The following PPP2R2B variants were observed in gnomAD, a reference collection of about 807,000 sequenced individuals.
PPP2R2B encodes protein phosphatase 2 regulatory subunit Bbeta.
PPP2R2B carries 5 observed loss-of-function variants against 46.0 expected under a neutral mutation model. That is an observed-to-expected ratio of 0.11 (90% confidence interval 0.06 to 0.23). The LOEUF (loss-of-function observed/expected upper bound fraction) is 0.23. Ranked by LOEUF, PPP2R2B falls within the 10% of genes least tolerant of loss-of-function variation. PPP2R2B has a pLI of 1.00. For synonymous variants in PPP2R2B, 215 were observed against 206.7 expected (o/e 1.04, Z -0.34); for missense variants, 367 against 575.0 (o/e 0.64, Z 3.70).
Position 147,018,458 on chromosome 5 carries a change from T to C in PPP2R2B, c.79+37207A>G, listed in dbSNP as rs192142557. ...CTTCACCTCTCTTTAAAAGATCTCATTTTTTATATATATTTTTTAAAAACA... is the reference window on the plus strand; with the variant it reads ...CTTCACCTCTCTTTAAAAGATCTCACTTTTTATATATATTTTTTAAAAACA... On this transcript the variant is annotated intron_variant, in intron 1 of 8. Transcript: ENST00000336640. Among the ~76,000 whole-genome samples the C allele has an allele frequency of 4.3e-3, 653 of 152,268 alleles. 2 individuals carry two copies. Among genetic ancestry groups the C allele is most frequent in the Non-Finnish European group, 7.2e-3 (492 of 68,022 alleles).
chr5:146,634,689 G>A (rs1425806586), intron 7 of PPP2R2B, among the ~76,000 whole-genome samples: 1 of 151,944 alleles, frequency 6.6e-6, no homozygotes, highest in Non-Finnish European at 1.5e-5. Context: ...TCTTCAGCTT[G>A]CTGGCTGCAG....
chr5:146,801,684 AC>A (rs1561918343), intron 2 of PPP2R2B, among the ~76,000 whole-genome samples: 1 of 152,124 alleles, frequency 6.6e-6, no homozygotes, highest in African/African-American at 2.4e-5. Context: ...TTATTCACTC[AC>A]CCATAAAATG....
intron 1 of PPP2R2B, among the ~76,000 whole-genome samples, chr5:146,946,266 T>C (rs1349661567): frequency 1.3e-5 from 2 of 152,116 alleles, no homozygotes; most frequent in African/African-American, 4.8e-5. Context: ...AGTCTTTTTT[T>C]CCCATCTTTC....
At chr5:147,076,509 T>C (rs1757771000) in intron 2 of PPP2R2B, among the ~76,000 whole-genome samples, 1 of 152,186 alleles carries the variant, frequency 6.6e-6, no homozygotes, top group African/African-American at 2.4e-5. Flanking sequence ...TTTTTATTGG[T>C]TAAATTTAAA....
At chr5:146,861,238 TG>T (rs1760979919) in intron 2 of PPP2R2B, among the ~76,000 whole-genome samples, 2 of 151,842 alleles carry the variant, frequency 1.3e-5, no homozygotes, top group African/African-American at 4.8e-5. Flanking sequence ...TTGTATTTTT[TG>T]TGGAGACAGG....
In PPP2R2B at chr5:146,885,677, T is replaced by C. The variant is rs7731663; in HGVS notation, c.79+169988A>G. On this transcript the variant is annotated intron_variant, in intron 1 of 8. Transcript: ENST00000336640. ...ACCAAAACTTGAACACAAATGTTCA[T>C]GTAGTAGCATTATTTATAATAGCCA... is the stretch of plus-strand genomic sequence containing the variant. Among the ~76,000 whole-genome samples, 1,347 of 152,328 alleles carry C rather than the reference T, an allele frequency of 8.8e-3. 21 individuals carry two copies. The highest frequency in any genetic ancestry group is 0.031 in the African/African-American group (1,286 of 41,560).
chr5:146,733,335 T>C (rs550024182), intron 2 of PPP2R2B, among the ~76,000 whole-genome samples: 7 of 152,172 alleles, frequency 4.6e-5, no homozygotes, highest in Non-Finnish European at 8.8e-5. Flanking sequence ...ATAAATAGTT[T>C]TGCAAGATAT....
At chr5:147,009,994 A>C (rs1754638432) in intron 1 of PPP2R2B, among the ~76,000 whole-genome samples, 1 of 152,054 alleles carries the variant, frequency 6.6e-6, no homozygotes. Flanking sequence ...TGAGATGAGA[A>C]TGCACTTTGT....
intron 1 of PPP2R2B, among the ~76,000 whole-genome samples, chr5:147,009,892 C>T (rs756775972): frequency 3.4e-5 from 5 of 146,924 alleles, no homozygotes; most frequent in East Asian, 2.0e-4. Flanking sequence ...CACACACACA[C>T]ACACACATAT....
intron 1 of PPP2R2B, among the ~76,000 whole-genome samples, chr5:146,981,061 C>T (rs1051938925): frequency 1.3e-5 from 2 of 152,022 alleles, no homozygotes; most frequent in Non-Finnish European, 2.9e-5. Context: ...ATTTCTTACT[C>T]ATTTTTTTTT....
At chr5:146,757,504 G>A (rs1449345527) in intron 2 of PPP2R2B, among the ~76,000 whole-genome samples, 1 of 152,120 alleles carries the variant, frequency 6.6e-6, no homozygotes, top group South Asian at 2.1e-4. Flanking sequence ...GGTGGAAGGC[G>A]AGAGATGGAA....
chr5:146,754,068 G>C (rs1040494028), intron 2 of PPP2R2B, among the ~76,000 whole-genome samples: 1 of 152,080 alleles, frequency 6.6e-6, no homozygotes, highest in Non-Finnish European at 1.5e-5. Flanking sequence ...AAAATAATCT[G>C]AAAGTCCCCA....
Position 146,638,297 on chromosome 5 carries a change from C to A in PPP2R2B, c.744G>T (p.Arg248=), listed in dbSNP as rs1774957054. 2 of 1,614,022 alleles carry A rather than the reference C, an allele frequency of 1.2e-6. No homozygotes were observed. The highest frequency in any genetic ancestry group is 1.7e-6 in the Non-Finnish European group (2 of 1,179,886). The change falls in exon 7 of 10, where the codon CGG becomes CGT. Residue 248 remains arginine, a synonymous_variant. Coordinates refer to ENST00000394411, the MANE Select transcript of PPP2R2B (RefSeq NM_181675.4). ...GGGCAGATGCCCGCATGTCACACAG[C>A]CGGATTGTCCCTTTGCTGCTGCTGT... ...FVYSSSKGTI[R]LCDMRASALC...
At chr5:146,664,296 C>A (rs1223746206) in intron 5 of PPP2R2B, among the ~76,000 whole-genome samples, 1 of 152,180 alleles carries the variant, frequency 6.6e-6, no homozygotes, top group Non-Finnish European at 1.5e-5. Context: ...AGCACTGTTG[C>A]TGCTTTATTA....
At chr5:147,056,170 T>G, upstream of PPP2R2B, 4 of 985,994 alleles carry the variant, frequency 4.1e-6, no homozygotes, top group Non-Finnish European at 4.9e-6. Flanking sequence ...CATCTCTTAT[T>G]TAGCTGAAAG....
At chr5:146,590,534 T>C (rs183729195) in intron 9 of PPP2R2B, among the ~76,000 whole-genome samples, 2 of 152,036 alleles carry the variant, frequency 1.3e-5, no homozygotes, top group Admixed American at 1.3e-4. Flanking sequence ...TCAGAAAAGG[T>C]GTCCACTGGT....
intron 2 of PPP2R2B, among the ~76,000 whole-genome samples, chr5:146,773,124 T>C (rs541901897): frequency 1.3e-5 from 2 of 152,226 alleles, no homozygotes; most frequent in Non-Finnish European, 2.9e-5. Context: ...GTAATGCATT[T>C]ACCATAGTAA....
intron 1 of PPP2R2B, among the ~76,000 whole-genome samples, chr5:147,042,488 A>G (rs1416179150): frequency 8.5e-5 from 13 of 152,190 alleles, no homozygotes; most frequent in Admixed American, 8.5e-4. Context: ...CAAATACTGT[A>G]GATAATTCTT....
At chr5:146,912,893 G>A (rs780136193) in intron 1 of PPP2R2B, among the ~76,000 whole-genome samples, 1 of 152,050 alleles carries the variant, frequency 6.6e-6, no homozygotes, top group Non-Finnish European at 1.5e-5. Flanking sequence ...AAGTACTACC[G>A]TCATATGGAA....
Sources: gnomAD v4.1 joint callset for allele counts (sites outside exome capture counted in the v4.1 genomes callset) on GRCh38, gnomAD v4.1.1 for gene constraint, MANE v1.5 for transcripts, NCBI Gene and HGNC (gene_info 2026-07-23, HGNC 2026-07-21) for gene names.